Variants in ARHGAP39 observed in about 807,000 individuals in gnomAD.
The protein encoded by ARHGAP39 is Rho GTPase activating protein 39.
ARHGAP39 carries 44 observed loss-of-function variants against 106.9 expected under a neutral mutation model. The ratio of observed to expected loss-of-function variants is 0.41; its 90% CI spans 0.32 to 0.53. The LOEUF (loss-of-function observed/expected upper bound fraction) is 0.53, where lower values mean the gene tolerates loss of function less well. ARHGAP39 is among the 20% of genes least tolerant of loss of function. The pLI is 0.21. For synonymous variants in ARHGAP39, 768 were observed against 693.2 expected (o/e 1.11, Z -1.69); for missense variants, 1,496 against 1,577.3 (o/e 0.95, Z 0.87).
intron 1 of ARHGAP39, among the ~76,000 whole-genome samples, chr8:144,674,235 A>C (rs1004244554): frequency 4.6e-5 from 7 of 152,204 alleles, no homozygotes; most frequent in Non-Finnish European, 8.8e-5. Context: ...TCCAGGTAGA[A>C]TGAGGTACGT....
chr8:144,589,665 T>C (rs1485975569), intron 2 of ARHGAP39, among the ~76,000 whole-genome samples: 1 of 152,196 alleles, frequency 6.6e-6, no homozygotes, highest in Non-Finnish European at 1.5e-5. Flanking sequence ...GGCCCCCACA[T>C]GTGCTGGCAA....
At chr8:144,627,337 C>T (rs954691007) in intron 1 of ARHGAP39, among the ~76,000 whole-genome samples, 3 of 152,070 alleles carry the variant, frequency 2.0e-5, no homozygotes, top group East Asian at 1.9e-4. Context: ...AGGTGGATCA[C>T]GAGGTCAGAT....
chr8:144,529,863 G>A lies in ARHGAP39; in HGVS notation c.*559C>T, dbSNP rs1195692827. 2 of 149,338 alleles carry A rather than the reference G, an allele frequency of 1.3e-5. No individual in the cohort carries two copies. Among genetic ancestry groups the A allele is most frequent in the Admixed American group, 1.3e-4 (2 of 14,932 alleles). The allele number at this position is 149,338 out of a possible 1,614,324, so 9.3% of individuals were successfully genotyped here. A position where few individuals can be genotyped will look rare whatever the true frequency, so the allele number is the denominator to read the frequency against. On this transcript the variant is annotated 3_prime_UTR_variant, in exon 12 of 12. Coordinates refer to ENST00000377307, the MANE Select transcript of ARHGAP39 (RefSeq NM_025251.3). The stretch of plus-strand genomic sequence containing the variant: ...TTTGGGGGCCCCCACCCCACCCACC[G>A]AGAGCCTGCCAGGCCCCGGGCCCAC...
chr8:144,598,498 C>T (rs1489406696), intron 2 of ARHGAP39, among the ~76,000 whole-genome samples: 1 of 152,328 alleles, frequency 6.6e-6, no homozygotes, highest in African/African-American at 2.4e-5. Flanking sequence ...GAAGCAGCCC[C>T]AGCTCCTTAC....
At position 144,548,425 on chromosome 8, in the gene ARHGAP39, C is replaced by T. The variant is rs774404227; in HGVS notation, c.661G>A (p.Glu221Lys). 1 of 1,610,852 alleles carries T rather than the reference C, an allele frequency of 6.2e-7. No individual in the cohort carries two copies. The highest frequency in any genetic ancestry group is 2.2e-5 in the East Asian group (1 of 44,850). ...ERMLIKVADR[E>K]PSFLAAQGNG... ...CCCTGGGCGGCGAGGAAGCTGGGCT[C>T]CCGATCAGCGACCTTGATGAGCATG... Residue 221 changes from glutamate to lysine, a missense_variant, in exon 5 of 12, where the codon GAG (glutamate) becomes AAG (lysine). By Grantham distance (56) the Glu-to-Lys change is moderately conservative. Coordinates refer to ENST00000377307, the MANE Select transcript of ARHGAP39 (RefSeq NM_025251.3). The surrounding 1 kb of genome is among the most constrained non-coding windows in gnomAD (Gnocchi z 7.4).
intron 2 of ARHGAP39, among the ~76,000 whole-genome samples, chr8:144,587,587 G>C (rs1168855751): frequency 6.6e-6 from 1 of 152,124 alleles, no homozygotes; most frequent in Admixed American, 6.6e-5. Context: ...CCTGGGGAGG[G>C]AGCACACGGG....
intron 2 of ARHGAP39, among the ~76,000 whole-genome samples, chr8:144,602,026 T>TGA (rs1486406459): frequency 3.9e-5 from 5 of 129,352 alleles, no homozygotes; most frequent in African/African-American, 5.8e-5. Flanking sequence ...GGCGTGTGTG[T>TGA]GCTCGTGAAC....
At chr8:144,543,107 C>T (rs1342530754) in intron 6 of ARHGAP39, among the ~76,000 whole-genome samples, 5 of 151,892 alleles carry the variant, frequency 3.3e-5, no homozygotes, top group African/African-American at 1.2e-4. Context: ...GTAGTTGGGA[C>T]CACAAGCATA....
In ARHGAP39 at chr8:144,533,100, C is replaced by T. The variant is rs199718032; in HGVS notation, c.2888+26G>A. 2.6e-3 allele frequency: 4,164 copies of T among 1,589,568 alleles called. 17 individuals are homozygous for T. Among genetic ancestry groups the T allele is most frequent in the Non-Finnish European group, 3.3e-3 (3,849 of 1,170,024 alleles). On this transcript the variant is annotated intron_variant, in intron 9 of 11. Coordinates refer to ENST00000377307, the MANE Select transcript of ARHGAP39 (RefSeq NM_025251.3). ...TGGACACATGGCTGTGGCCCCCACACCCGGCGCCCGGGGTTGCCGTGGCAC... is the reference window on the plus strand; with the variant it reads ...TGGACACATGGCTGTGGCCCCCACATCCGGCGCCCGGGGTTGCCGTGGCAC...
At chr8:144,629,421 G>A (rs905319252) in intron 1 of ARHGAP39, among the ~76,000 whole-genome samples, 2 of 152,212 alleles carry the variant, frequency 1.3e-5, no homozygotes. Flanking sequence ...AGACCTCCAG[G>A]GCTTGGCTGC....
intron 3 of ARHGAP39, among the ~76,000 whole-genome samples, chr8:144,574,466 C>A (rs867905144): frequency 1.8e-4 from 27 of 152,040 alleles, no homozygotes; most frequent in Admixed American, 3.3e-4. Context: ...GTCAGCAGAT[C>A]GAGACCATCC....
intron 3 of ARHGAP39, among the ~76,000 whole-genome samples, chr8:144,578,845 A>AAAAC (rs766228269): frequency 3.6e-4 from 54 of 151,684 alleles, no homozygotes; most frequent in East Asian, 7.8e-4. Flanking sequence ...CCCTGTCTCA[A>AAAAC]AAACAAACAA....
chr8:144,641,289 TATTAA>T lies in ARHGAP39; in HGVS notation c.-81-35599_-81-35595del, dbSNP rs1363205002. Reference sequence around the variant, plus strand: ...AGGACGGGAAAGGAGAGGCAGACGCTATTAAATTCTTTATGGAATGAAAATTAACT... The same window carrying T: ...AGGACGGGAAAGGAGAGGCAGACGCTATTCTTTATGGAATGAAAATTAACT... On this transcript the variant is annotated intron_variant, in intron 1 of 11. Transcript: ENST00000377307. The surrounding 1 kb of genome is among the most constrained non-coding windows in gnomAD (Gnocchi z 5.2). 9.9e-5 allele frequency among the ~76,000 whole-genome samples: 15 copies of T among 152,122 alleles called. No individual in the cohort carries two copies. The South Asian group carries it at 2.7e-3, about 27-fold the overall frequency.
chr8:144,534,134 T>C lies in ARHGAP39; in HGVS notation c.2683A>G (p.Lys895Glu). 1 of 1,613,058 alleles carries C rather than the reference T, an allele frequency of 6.2e-7. No individual in the cohort carries two copies. Among genetic ancestry groups the C allele is most frequent in the Non-Finnish European group, 8.5e-7 (1 of 1,179,734 alleles). The change falls in exon 8 of 12, where the codon AAG becomes GAG. Residue 895 changes from lysine (K) to glutamate (E), a missense_variant. Transcript: ENST00000377307. Reference protein sequence around the residue: ...KLQKAALTGAKKGLKKPNVEE... With the variant: ...KLQKAALTGAEKGLKKPNVEE... ...CCCCCCAGGCGCACCCGTACCTTCT[T>C]GGCCCCGGTCAGGGCTGCCTTCTGT...
At chr8:144,594,727 C>T (rs546446918) in intron 2 of ARHGAP39, among the ~76,000 whole-genome samples, 139 of 148,428 alleles carry the variant, frequency 9.4e-4, no homozygotes, top group Admixed American at 1.2e-3. Flanking sequence ...ATATAATATA[C>T]AAAAATTAGC....
the ARHGAP39 span, among the ~76,000 whole-genome samples, chr8:144,690,909 C>G: frequency 6.6e-6 from 1 of 151,450 alleles, no homozygotes; most frequent in East Asian, 1.9e-4. Context: ...ATGCCTGCCT[C>G]AGCCTCCCAA....
the ARHGAP39 span, among the ~76,000 whole-genome samples, chr8:144,694,518 C>T: frequency 6.6e-6 from 1 of 152,210 alleles, no homozygotes; most frequent in African/African-American, 2.4e-5. Context: ...ATGTACCTTG[C>T]CACCAGCTGT....
At chr8:144,582,100 T>TAGCCCTGCGACAGGCCTGG (rs1819013852) in intron 2 of ARHGAP39, among the ~76,000 whole-genome samples, 5 of 152,006 alleles carry the variant, frequency 3.3e-5, no homozygotes, top group African/African-American at 1.2e-4. Flanking sequence ...GGGGTCTCGT[T>TAGCCCTGCGACAGGCCTGG]TCCAGGGAAA....
At chr8:144,688,970 G>T (rs1822689733), upstream of ARHGAP39, among the ~76,000 whole-genome samples, 1 of 152,220 alleles carries the variant, frequency 6.6e-6, no homozygotes, top group African/African-American at 2.4e-5. Context: ...CCCTGCCAGA[G>T]ATTAAGGTCT....
Sources: gnomAD v4.1 joint callset for allele counts (sites outside exome capture counted in the v4.1 genomes callset) on GRCh38, gnomAD v4.1.1 for gene constraint, Gnocchi (gnomAD v3.1) non-coding constraint, MANE v1.5 for transcripts, NCBI Gene and HGNC (gene_info 2026-07-23, HGNC 2026-07-21) for gene names.